The following TAMM41 variants were observed in gnomAD, a reference collection of about 807,000 sequenced individuals.
The protein encoded by TAMM41 is TAM41 mitochondrial translocator assembly and maintenance homolog.
In TAMM41, 36 loss-of-function variants were observed where a neutral mutation model predicts 44.1. That is an observed-to-expected ratio of 0.82 (90% CI 0.63 to 1.08). TAMM41 has a LOEUF of 1.08. Ranked by LOEUF, TAMM41 falls within the 50% of genes least tolerant of loss-of-function variation. TAMM41 has a pLI of 0.00. For synonymous variants in TAMM41, 164 were observed against 153.1 expected, an observed-to-expected ratio of 1.07 and a Z score of -0.53; for missense variants, 417 against 404.3, an observed-to-expected ratio of 1.03 and a Z score of -0.27.
At chr3:11,832,266 G>C (rs1231110178) in intron 3 of TAMM41, among the ~76,000 whole-genome samples, 1 of 134,812 alleles carries the variant, frequency 7.4e-6, no homozygotes, top group Admixed American at 8.0e-5. Context: ...ATCACAGATG[G>C]GAAACATTCA....
the TAMM41 span, among the ~76,000 whole-genome samples, chr3:11,772,500 C>G: frequency 1.8e-4 from 28 of 152,172 alleles, no homozygotes; most frequent in African/African-American, 6.7e-4. Context: ...GCCTCCAGTT[C>G]CATGTTGCTG....
intron 5 of TAMM41, among the ~76,000 whole-genome samples, chr3:11,814,569 T>A (rs551372547): frequency 1.6e-4 from 25 of 151,994 alleles, no homozygotes; most frequent in African/African-American, 6.0e-4. Context: ...CTAACAGGAA[T>A]CCCAGGAAGA....
intron 6 of TAMM41, 27 bp downstream of exon 6, chr3:11,809,490 T>A: frequency 6.2e-7 from 1 of 1,610,942 alleles, no homozygotes; most frequent in South Asian, 1.1e-5. Context: ...GGCTGGCATT[T>A]CCTCAACATC....
the TAMM41 span, among the ~76,000 whole-genome samples, chr3:11,736,624 G>A: frequency 6.6e-6 from 1 of 152,166 alleles, no homozygotes; most frequent in African/African-American, 2.4e-5. Flanking sequence ...CTTGATCACA[G>A]CGGGGCCTCA....
intron 4 of TAMM41, among the ~76,000 whole-genome samples, chr3:11,819,667 G>C (rs559115854): frequency 6.6e-6 from 1 of 152,118 alleles, no homozygotes; most frequent in Non-Finnish European, 1.5e-5. Context: ...GGCCAAGGCC[G>C]GGGGAATGTT....
chr3:11,749,133 G>A, the TAMM41 span, among the ~76,000 whole-genome samples: 2 of 151,476 alleles, frequency 1.3e-5, no homozygotes, highest in Non-Finnish European at 2.9e-5. Context: ...GGCTGGTCTC[G>A]AACTCCTGAC....
chr3:11,810,331 T>C (rs1466369097), intron 5 of TAMM41, among the ~76,000 whole-genome samples: 2 of 152,216 alleles, frequency 1.3e-5, no homozygotes, highest in African/African-American at 2.4e-5. Context: ...GTTCCCAAAG[T>C]ATTCTAAAAC....
the TAMM41 span, among the ~76,000 whole-genome samples, chr3:11,757,645 CTGA>C: frequency 6.6e-6 from 1 of 152,208 alleles, no homozygotes; most frequent in Non-Finnish European, 1.5e-5. Flanking sequence ...CCCAATGGGC[CTGA>C]TGAACTGCCG....
chr3:11,830,990 G>A (rs1261018011), intron 3 of TAMM41: 3 of 152,090 alleles, frequency 2.0e-5, no homozygotes, highest in African/African-American at 7.2e-5. Flanking sequence ...TCTCTTACTA[G>A]CTCTGTGACT....
At chr3:11,826,732 T>TATTCAA (rs2078768124) in intron 4 of TAMM41, 2 of 151,888 alleles carry the variant, frequency 1.3e-5, no homozygotes, top group Non-Finnish European at 2.9e-5. Context: ...AGAAAGCTGG[T>TATTCAA]ATTCAAACTA....
the TAMM41 span, among the ~76,000 whole-genome samples, chr3:11,732,915 G>A: frequency 6.6e-6 from 1 of 152,108 alleles, no homozygotes; most frequent in Non-Finnish European, 1.5e-5. Flanking sequence ...GCTGTGGTAA[G>A]GAGCTCTGAC....
the TAMM41 span, among the ~76,000 whole-genome samples, chr3:11,748,277 T>TATTG: frequency 9.9e-5 from 15 of 151,248 alleles, no homozygotes; most frequent in Non-Finnish European, 2.2e-4. Flanking sequence ...CTCTTTTATT[T>TATTG]ATTTATTTAT....
intron 7 of TAMM41, among the ~76,000 whole-genome samples, chr3:11,804,886 A>T (rs2077854540): frequency 6.7e-6 from 1 of 149,894 alleles, no homozygotes; most frequent in Admixed American, 6.6e-5. Flanking sequence ...TTTTTTTGAG[A>T]CAGGGTCTCA....
chr3:11,749,950 T>G, the TAMM41 span, among the ~76,000 whole-genome samples: 1 of 150,822 alleles, frequency 6.6e-6, no homozygotes. Flanking sequence ...CAGGCTGGAG[T>G]GCAGTGGCAC....
At chr3:11,771,161 G>C in the TAMM41 span, 1 of 152,330 alleles carries the variant, frequency 6.6e-6, no homozygotes, top group African/African-American at 2.4e-5. Flanking sequence ...CACAGCCACA[G>C]TGGGAGGAAT....
At chr3:11,782,137 TG>T in the TAMM41 span, among the ~76,000 whole-genome samples, 1 of 152,126 alleles carries the variant, frequency 6.6e-6, no homozygotes, top group African/African-American at 2.4e-5. Context: ...GGCCCAAAGA[TG>T]GGGTGTGATA....
intron 6 of TAMM41, chr3:11,808,522 G>A (rs1489678849): frequency 5.1e-6 from 5 of 985,508 alleles, no homozygotes; most frequent in African/African-American, 1.7e-5. Flanking sequence ...GCAGTGCGAT[G>A]GTCTTTGCAA....
chr3:11,806,668 G>C (rs2077918747), intron 7 of TAMM41, among the ~76,000 whole-genome samples: 1 of 152,024 alleles, frequency 6.6e-6, no homozygotes, highest in African/African-American at 2.4e-5. Context: ...AAACAGATGG[G>C]ACAAAATTAA....
chr3:11,742,138 G>A, the TAMM41 span, among the ~76,000 whole-genome samples: 1 of 149,918 alleles, frequency 6.7e-6, no homozygotes, highest in Non-Finnish European at 1.5e-5. Flanking sequence ...CATGTGTGTA[G>A]GCCCATATAT....
Sources: gnomAD v4.1 joint callset for allele counts (sites outside exome capture counted in the v4.1 genomes callset) on GRCh38, gnomAD v4.1.1 for gene constraint, MANE v1.5 for transcripts, NCBI Gene and HGNC (gene_info 2026-07-23, HGNC 2026-07-21) for gene names.